The following TSPEAR variants were observed in gnomAD, a reference collection of about 807,000 sequenced individuals.
TSPEAR encodes the protein thrombospondin type laminin G domain and EAR repeats.
A neutral mutation model predicts 71.6 loss-of-function variants in TSPEAR; 69 were observed. The observed-to-expected ratio is 0.96, with a 90% CI of 0.79 to 1.18. The LOEUF (loss-of-function observed/expected upper bound fraction) is 1.18, where lower values mean the gene tolerates loss of function less well. TSPEAR is among the 50% of genes most tolerant of loss of function. The pLI is 0.00. For synonymous variants in TSPEAR, 402 were observed against 387.2 expected (o/e 1.04, Z -0.45); for missense variants, 971 against 894.9 (o/e 1.09, Z -1.09).
intron 7 of TSPEAR, among the ~76,000 whole-genome samples, chr21:44,526,277 G>A (rs2052853116): frequency 6.6e-6 from 1 of 152,202 alleles, no homozygotes; most frequent in Non-Finnish European, 1.5e-5. Context: ...AATGTGCCCA[G>A]GGCTCATAGT....
chr21:44,705,056 C>T lies in TSPEAR; in HGVS notation c.82+6377G>A, dbSNP rs369388761. Among the ~76,000 whole-genome samples the T allele has an allele frequency of 4.1e-4, 62 of 152,300 alleles. 1 individual carries two copies. In the South Asian group the frequency reaches 8.3e-3, roughly 20 times the overall value. The stretch of plus-strand genomic sequence containing the variant: ...AGTCAGGGACCCCAAACAGAGAGAC[C>T]GGCTGAAACCATGGCAGAAGAACGT... On this transcript the variant is annotated intron_variant, in intron 1 of 11. Coordinates refer to ENST00000323084, the MANE Select transcript of TSPEAR (RefSeq NM_144991.3).
intron 1 of TSPEAR, among the ~76,000 whole-genome samples, chr21:44,613,426 C>T (rs587758789): frequency 2.8e-4 from 42 of 152,278 alleles, no homozygotes; most frequent in Admixed American, 2.1e-3. Context: ...CCTGGTCATT[C>T]GCTGTAGTGC....
chr21:44,593,838 C>T lies in TSPEAR; in HGVS notation c.83-25833G>A, dbSNP rs1555927292. ...GCACTGGCCCCGCGATGAGGATGAG[C>T]AAGGTTCAAACGACTGCAGCTCATC... On this transcript the variant is annotated intron_variant, in intron 1 of 11. Transcript: ENST00000323084. The surrounding 1 kb of genome is among the most constrained non-coding windows in gnomAD (Gnocchi z 5.9). Among the ~76,000 whole-genome samples the T allele has an allele frequency of 6.6e-6, 1 of 152,166 alleles. No individual in the cohort carries two copies. The highest frequency in any genetic ancestry group is 1.5e-5 in the Non-Finnish European group (1 of 68,040).
chr21:44,500,955 CT>C (rs1555911037), intron 11 of TSPEAR, among the ~76,000 whole-genome samples: 1 of 152,186 alleles, frequency 6.6e-6, no homozygotes, highest in African/African-American at 2.4e-5. Flanking sequence ...GGCTTGTCTT[CT>C]TCATAGAACC....
At chr21:44,637,826 T>G (rs1555937373) in intron 1 of TSPEAR, 1 of 1,384,344 alleles carries the variant, frequency 7.2e-7, no homozygotes, top group Non-Finnish European at 9.9e-7. Flanking sequence ...GCCAACTTGC[T>G]GCACCTCCTC....
chr21:44,541,600 G>A (rs587767219), intron 2 of TSPEAR, among the ~76,000 whole-genome samples: 27 of 152,292 alleles, frequency 1.8e-4, no homozygotes, highest in African/African-American at 5.3e-4. Context: ...CCAAGAGGCC[G>A]AGAGCCTGAT....
At chr21:44,707,151 C>T (rs1034970517) in intron 1 of TSPEAR, among the ~76,000 whole-genome samples, 1 of 152,246 alleles carries the variant, frequency 6.6e-6, no homozygotes, top group Non-Finnish European at 1.5e-5. Context: ...GATCAGGGCG[C>T]GAAGCCCACT....
At chr21:44,571,873 A>G (rs897432993) in intron 1 of TSPEAR, among the ~76,000 whole-genome samples, 2 of 152,260 alleles carry the variant, frequency 1.3e-5, no homozygotes, top group African/African-American at 2.4e-5. Flanking sequence ...GAGAATTTCA[A>G]TTAGTAAGTG....
chr21:44,632,220 C>A (rs2146210681), intron 1 of TSPEAR, among the ~76,000 whole-genome samples: 1 of 152,048 alleles, frequency 6.6e-6, no homozygotes, highest in East Asian at 1.9e-4. Flanking sequence ...CACAGAAACA[C>A]AAAATTAAAT....
intron 2 of TSPEAR, among the ~76,000 whole-genome samples, chr21:44,544,386 G>A (rs117497804): frequency 2.0e-5 from 3 of 152,186 alleles, no homozygotes; most frequent in Non-Finnish European, 4.4e-5. Flanking sequence ...GGGATGATGA[G>A]AGGAGTCTAT....
At chr21:44,597,713 C>T (rs1027435206) in intron 1 of TSPEAR, among the ~76,000 whole-genome samples, 1 of 152,032 alleles carries the variant, frequency 6.6e-6, no homozygotes, top group African/African-American at 2.4e-5. Context: ...ATTACAGGTG[C>T]GAGCCACAGC....
At position 44,695,020 on chromosome 21, in the gene TSPEAR, T is replaced by G. The variant is rs1227429656; in HGVS notation, c.82+16413A>C. 5.3e-5 allele frequency among the ~76,000 whole-genome samples: 8 copies of G among 152,216 alleles called. No individual in the cohort carries two copies. Among genetic ancestry groups the G allele is most frequent in the Non-Finnish European group, 1.0e-4 (7 of 68,022 alleles). ...GTGCTTTGCCCCAACCCTCCAGGCC[T>G]CTGCCACAGGCTGGAGGAGCTGCTT... On this transcript the variant is annotated intron_variant, in intron 1 of 11. Coordinates refer to ENST00000323084, the MANE Select transcript of TSPEAR (RefSeq NM_144991.3). The surrounding 1 kb of genome is among the most constrained non-coding windows in gnomAD (Gnocchi z 4.5).
Position 44,522,272 on chromosome 21 carries a change from C to T in TSPEAR, c.1337-160G>A, listed in dbSNP as rs76470396. On this transcript the variant is annotated intron_variant, in intron 8 of 11. Coordinates refer to ENST00000323084, the MANE Select transcript of TSPEAR (RefSeq NM_144991.3). ...ACATCCTTTCTTACCTTGAGCCTCCCGCCCTCAGCCCCTTGCTGACTGCAC... is the reference window on the plus strand; with the variant it reads ...ACATCCTTTCTTACCTTGAGCCTCCTGCCCTCAGCCCCTTGCTGACTGCAC... Among the ~76,000 whole-genome samples the T allele has an allele frequency of 0.01, 1,542 of 152,344 alleles. 12 individuals are homozygous for T. Among genetic ancestry groups the T allele is most frequent in the Non-Finnish European group, 0.017 (1,158 of 68,024 alleles).
chr21:44,601,000 C>T (rs448435), intron 1 of TSPEAR: 3 of 1,610,668 alleles, frequency 1.9e-6, no homozygotes, highest in Admixed American at 1.7e-5. Context: ...GTACTGTGTG[C>T]CTGTCTGCAG....
chr21:44,662,665 A>G (rs915865004), intron 1 of TSPEAR, among the ~76,000 whole-genome samples: 4 of 152,216 alleles, frequency 2.6e-5, no homozygotes, highest in African/African-American at 9.6e-5. Flanking sequence ...TAACAGATAC[A>G]CATTCTTTTC....
chr21:44,529,665 GC>G lies in TSPEAR; in HGVS notation c.790+132del, dbSNP rs1324799009. The G allele has an allele frequency of 3.0e-6, 3 of 1,015,866 alleles. No individual in the cohort carries two copies. The South Asian group carries it at 4.6e-5, about 16-fold the overall frequency. The allele number at this position is 1,015,866 out of a possible 1,614,324, so 62.9% of individuals were successfully genotyped here. A position where few individuals can be genotyped will look rare whatever the true frequency, so the allele number is the denominator to read the frequency against. ...TATCCCCCTGGCCAATATGACCGCTGCCCCCCGTAGCAGTGATGAGGGGGGC... is the reference window on the plus strand; with the variant it reads ...TATCCCCCTGGCCAATATGACCGCTGCCCCCGTAGCAGTGATGAGGGGGGC... On this transcript the variant is annotated intron_variant, in intron 5 of 11. Transcript: ENST00000323084.
Position 44,509,237 on chromosome 21 carries a change from C to T in TSPEAR, c.1716G>A (p.Ala572=), listed in dbSNP as rs782240082. ...NSVIYELNVT[A]QAFVKFQDIL... ...TGTCCTGGAACTTGACAAAGGCCTGCGCGGTCACGTTCAGCTCGTAGATGA... is the reference window on the plus strand; with the variant it reads ...TGTCCTGGAACTTGACAAAGGCCTGTGCGGTCACGTTCAGCTCGTAGATGA... The change falls in exon 10 of 12, where the codon GCG becomes GCA. Residue 572 remains alanine, a synonymous_variant. Coordinates refer to ENST00000323084, the MANE Select transcript of TSPEAR (RefSeq NM_144991.3). The T allele has an allele frequency of 6.8e-6, 11 of 1,613,982 alleles. No individual in the cohort carries two copies. Among genetic ancestry groups the T allele is most frequent in the South Asian group, 2.2e-5 (2 of 91,070 alleles).
chr21:44,646,782 C>G (rs1197698256), intron 1 of TSPEAR: 1 of 1,613,090 alleles, frequency 6.2e-7, no homozygotes, highest in Non-Finnish European at 8.5e-7. Context: ...GCAAGACTGT[C>G]TGCTGCAAGC....
chr21:44,690,859 C>T (rs1486495995), intron 1 of TSPEAR, among the ~76,000 whole-genome samples: 3 of 152,156 alleles, frequency 2.0e-5, no homozygotes, highest in Non-Finnish European at 2.9e-5. Flanking sequence ...GTGATCCTTC[C>T]ACCTCAGCCT....
Sources: allele counts gnomAD v4.1 joint callset (sites outside exome capture counted in the v4.1 genomes callset), GRCh38; gene constraint gnomAD v4.1.1; non-coding constraint Gnocchi (gnomAD v3.1); transcripts MANE v1.5; gene names NCBI Gene and HGNC (gene_info 2026-07-23, HGNC 2026-07-21).